The following POLR2B variants were observed in gnomAD, a reference collection of about 807,000 sequenced individuals.
The protein encoded by POLR2B is DNA-directed RNA polymerase II subunit RPB2.
In POLR2B, 57 loss-of-function variants were observed where a neutral mutation model predicts 144.6. The ratio of observed to expected loss-of-function variants is 0.39; its 90% CI spans 0.32 to 0.49. The LOEUF is 0.49. Ranked by LOEUF, POLR2B falls within the 20% of genes least tolerant of loss-of-function variation. The pLI is 0.83. For synonymous variants in POLR2B, 442 were observed against 469.8 expected (o/e 0.94, Z 0.77); for missense variants, 595 against 1,467.4 (o/e 0.41, Z 9.71).
At chr4:57,000,556 C>T (rs1254029009) in intron 7 of POLR2B, among the ~76,000 whole-genome samples, 1 of 152,000 alleles carries the variant, frequency 6.6e-6, no homozygotes, top group Non-Finnish European at 1.5e-5. Flanking sequence ...CATTTTTTTT[C>T]TGGACCATCG....
chr4:57,031,060 T>G lies in POLR2B; in HGVS notation c.*72T>G. 1.1e-6 allele frequency: 1 copy of G among 938,052 alleles called. No individual in the cohort carries two copies. The allele number at this position is 938,052 out of a possible 1,614,324, so 58.1% of individuals were successfully genotyped here. A position where few individuals can be genotyped will look rare whatever the true frequency, so the allele number is the denominator to read the frequency against. On this transcript the variant is annotated 3_prime_UTR_variant, in exon 25 of 25. Transcript: ENST00000314595. ...TTTCTATTGTGTGGCTTTTTAAAAA[T>G]GACAAATATGTACTGTGTTGTGATA...
intron 21 of POLR2B, 84 bp downstream of exon 21, chr4:57,024,196 C>G: frequency 2.9e-6 from 2 of 685,906 alleles, no homozygotes; most frequent in Admixed American, 5.8e-5. Flanking sequence ...ACATTTGAGC[C>G]AGGGTACTTT....
intron 2 of POLR2B, among the ~76,000 whole-genome samples, chr4:56,988,679 A>G (rs990965843): frequency 2.0e-5 from 3 of 152,194 alleles, no homozygotes; most frequent in Admixed American, 6.5e-5. Flanking sequence ...TTAAGAGTAA[A>G]CTTTTGTAAA....
chr4:56,979,928 C>G (rs956995880), intron 1 of POLR2B, among the ~76,000 whole-genome samples: 1 of 151,294 alleles, frequency 6.6e-6, no homozygotes, highest in Non-Finnish European at 1.5e-5. Context: ...TTAGTTGAGT[C>G]TAGTGTATTT....
intron 1 of POLR2B, among the ~76,000 whole-genome samples, chr4:56,983,045 T>C (rs1364325137): frequency 6.6e-6 from 1 of 152,224 alleles, no homozygotes; most frequent in African/African-American, 2.4e-5. Context: ...AGATTACTCC[T>C]AACTGATTTG....
In POLR2B at chr4:57,017,421, A is replaced by G; in HGVS notation, c.2155-139A>G. On this transcript the variant is annotated intron_variant, in intron 15 of 24. Transcript: ENST00000314595. This position sits in a 1 kb window ranked among gnomAD's most constrained non-coding sequence, Gnocchi z 4.8. Reference sequence around the variant, plus strand: ...TCATGGTTAAGAGCCGTAATTGATTATTCCAAATGGTTATTACTTACTGTT... The same window carrying G: ...TCATGGTTAAGAGCCGTAATTGATTGTTCCAAATGGTTATTACTTACTGTT... The G allele has an allele frequency of 1.3e-6, 1 of 796,906 alleles. No individual in the cohort carries two copies. Among genetic ancestry groups the G allele is most frequent in the South Asian group, 1.8e-5 (1 of 55,606 alleles). The allele number at this position is 796,906 out of a possible 1,614,324, so 49.4% of individuals were successfully genotyped here.
intron 6 of POLR2B, among the ~76,000 whole-genome samples, chr4:56,998,371 A>G (rs1252476397): frequency 3.3e-5 from 5 of 151,706 alleles, no homozygotes; most frequent in African/African-American, 7.3e-5. Context: ...CTAATTTTGT[A>G]TATTTAGTAG....
chr4:56,997,908 G>T (rs1178290509), intron 6 of POLR2B, among the ~76,000 whole-genome samples: 1 of 152,216 alleles, frequency 6.6e-6, no homozygotes, highest in African/African-American at 2.4e-5. Context: ...CCAGGTGATT[G>T]TGATGTGCAT....
intron 9 of POLR2B, among the ~76,000 whole-genome samples, chr4:57,006,070 G>A (rs1723009706): frequency 6.6e-6 from 1 of 152,042 alleles, no homozygotes; most frequent in Non-Finnish European, 1.5e-5. Flanking sequence ...TAAAAATACT[G>A]TCAGTGATTG....
At position 57,011,040 on chromosome 4, in the gene POLR2B, C is replaced by G; in HGVS notation, c.1740C>G (p.Pro580=). 1 of 1,614,006 alleles carries G rather than the reference C, an allele frequency of 6.2e-7. No homozygotes were observed. The highest frequency in any genetic ancestry group is 8.5e-7 in the Non-Finnish European group (1 of 1,179,944). The change falls in exon 13 of 25, where the codon CCC becomes CCG. Residue 580 remains proline, a synonymous_variant. Coordinates refer to ENST00000314595, the MANE Select transcript of POLR2B (RefSeq NM_000938.3). The part of the protein sequence containing the change: ...NGCWVGIHKD[P]EQLMNTLRKL... Reference sequence around the variant, plus strand: ...GCTGGGTTGGAATACATAAAGATCCCGAACAACTTATGAACACCCTAAGGA... The same window carrying G: ...GCTGGGTTGGAATACATAAAGATCCGGAACAACTTATGAACACCCTAAGGA...
At chr4:56,988,248 G>A (rs1722391709) in intron 2 of POLR2B, among the ~76,000 whole-genome samples, 1 of 152,070 alleles carries the variant, frequency 6.6e-6, no homozygotes, top group Non-Finnish European at 1.5e-5. Flanking sequence ...CAAGAAGCAG[G>A]CCAAGGAGAT....
chr4:57,002,010 A>G (rs1175137438), intron 7 of POLR2B, among the ~76,000 whole-genome samples: 2 of 152,010 alleles, frequency 1.3e-5, no homozygotes, highest in Non-Finnish European at 1.5e-5. Context: ...TTTTACTTTC[A>G]GATTTTGCCA....
At chr4:57,003,214 G>C (rs931640387) in intron 7 of POLR2B, among the ~76,000 whole-genome samples, 1 of 145,754 alleles carries the variant, frequency 6.9e-6, no homozygotes, top group Non-Finnish European at 1.5e-5. Flanking sequence ...GGCAGATCAC[G>C]AGGTCAGGAG....
At chr4:56,999,904 T>C (rs1245254461) in intron 7 of POLR2B, 123 bp downstream of exon 7, 3 of 619,832 alleles carry the variant, frequency 4.8e-6, no homozygotes, top group Non-Finnish European at 8.1e-6. Context: ...ACAAATCTTA[T>C]GCCATTTACT....
chr4:57,011,696 G>A (rs547933743), intron 13 of POLR2B, among the ~76,000 whole-genome samples: 10 of 152,070 alleles, frequency 6.6e-5, no homozygotes, highest in African/African-American at 1.2e-4. Context: ...GGTGGCGCGC[G>A]CCTGTAGTCC....
intron 2 of POLR2B, among the ~76,000 whole-genome samples, chr4:56,989,775 C>T (rs959902173): frequency 1.3e-5 from 2 of 152,192 alleles, no homozygotes; most frequent in African/African-American, 4.8e-5. Flanking sequence ...CTACATCCTC[C>T]AGCCTCTGTG....
At chr4:56,984,607 A>G (rs766434228) in intron 1 of POLR2B, among the ~76,000 whole-genome samples, 19 of 152,214 alleles carry the variant, frequency 1.2e-4, no homozygotes, top group Non-Finnish European at 2.4e-4. Context: ...TTAATCTCTC[A>G]TCAAAGCTAG....
chr4:57,003,720 G>A (rs1204458912), intron 7 of POLR2B, among the ~76,000 whole-genome samples: 1 of 152,044 alleles, frequency 6.6e-6, no homozygotes, highest in Non-Finnish European at 1.5e-5. Flanking sequence ...GTGCATGCCT[G>A]TAATCCCAGC....
chr4:57,030,504 A>C, intron 24 of POLR2B, 105 bp downstream of exon 24: 1 of 732,814 alleles, frequency 1.4e-6, no homozygotes, highest in East Asian at 2.7e-5. Context: ...CATTTTCACA[A>C]TTTTGATAGC....
Sources: gnomAD v4.1 joint callset for allele counts (sites outside exome capture counted in the v4.1 genomes callset) on GRCh38, gnomAD v4.1.1 for gene constraint, Gnocchi (gnomAD v3.1) non-coding constraint, MANE v1.5 for transcripts, NCBI Gene and HGNC (gene_info 2026-07-23, HGNC 2026-07-21) for gene names.